PANK4: variants seen among roughly 807,000 people sequenced by gnomAD.
PANK4 encodes pantothenate kinase 4 (inactive).
A neutral mutation model predicts 87.9 loss-of-function variants in PANK4; 40 were observed. That is an observed-to-expected ratio of 0.46 (90% CI 0.35 to 0.59). PANK4 has a LOEUF of 0.59. Ranked by LOEUF, PANK4 falls within the 20% of genes least tolerant of loss-of-function variation. PANK4 has a pLI of 0.00. For missense variants in PANK4, 926 were observed against 1,072.3 expected, an observed-to-expected ratio of 0.86 and a Z score of 1.90; for synonymous variants, 524 against 467.4, an observed-to-expected ratio of 1.12 and a Z score of -1.56.
chr1:2,515,809 G>A lies in PANK4; in HGVS notation c.1219-92C>T, dbSNP rs1346822931. The A allele has an allele frequency of 8.8e-6, 11 of 1,253,054 alleles. No individual in the cohort carries two copies. Among genetic ancestry groups the A allele is most frequent in the African/African-American group, 1.5e-5 (1 of 67,460 alleles). 77.6% of individuals were successfully genotyped at this position (1,253,054 alleles called of 1,614,324 possible). On this transcript the variant is annotated intron_variant, in intron 9 of 18. Coordinates refer to ENST00000378466, the MANE Select transcript of PANK4 (RefSeq NM_018216.4). This position sits in a 1 kb window ranked among gnomAD's most constrained non-coding sequence, Gnocchi z 5.0. Reference sequence around the variant, plus strand: ...AAGCTTCCACTCTCTCTCTAAGAAGGGAGATGTACTGCCTTCTTCCGCCAC... The same window carrying A: ...AAGCTTCCACTCTCTCTCTAAGAAGAGAGATGTACTGCCTTCTTCCGCCAC...
Position 2,509,016 on chromosome 1 carries a change from G to A in PANK4, c.2153C>T (p.Ala718Val), listed in dbSNP as rs778352582. 2.6e-5 allele frequency: 42 copies of A among 1,604,666 alleles called. No homozygotes were observed. The highest frequency in any genetic ancestry group is 3.3e-5 in the South Asian group (3 of 90,774). Residue 718 changes from alanine (A) to valine (V), a missense_variant, in exon 19 of 19, where the codon GCG becomes GTG. Coordinates refer to ENST00000378466, the MANE Select transcript of PANK4 (RefSeq NM_018216.4). The surrounding 1 kb of genome is among the most constrained non-coding windows in gnomAD (Gnocchi z 4.9). ...CATGCCCTCGATGACCACCAGATCCGCGCCACGCTCCCGCACCAGTGCGGC... is the reference window on the plus strand; with the variant it reads ...CATGCCCTCGATGACCACCAGATCCACGCCACGCTCCCGCACCAGTGCGGC... ...GLAALVRERG[A>V]DLVVIEGMGR...
At chr1:2,522,462 G>A (rs1361317329) in intron 1 of PANK4, among the ~76,000 whole-genome samples, 3 of 152,182 alleles carry the variant, frequency 2.0e-5, no homozygotes, top group Non-Finnish European at 4.4e-5. Flanking sequence ...GATGCCGCCT[G>A]TGATCAAAGG....
intron 12 of PANK4, 129 bp downstream of exon 12, chr1:2,513,873 G>C (rs1157013056): frequency 1.3e-6 from 1 of 751,754 alleles, no homozygotes; most frequent in Non-Finnish European, 2.5e-6. Flanking sequence ...CTGGAGTTGG[G>C]GCCGCTACCA....
Position 2,519,117 on chromosome 1 carries a change from G to A in PANK4, c.1035+26C>T. On this transcript the variant is annotated intron_variant, in intron 7 of 18. Coordinates refer to ENST00000378466, the MANE Select transcript of PANK4 (RefSeq NM_018216.4). This position sits in a 1 kb window ranked among gnomAD's most constrained non-coding sequence, Gnocchi z 8.3. ...AGATCCTGGGGGGTCTGCGTTAGAG[G>A]CTGGGGAGGGCGGCGCATCCGTTAC... 1 of 1,600,702 alleles carries A rather than the reference G, an allele frequency of 6.2e-7. No individual in the cohort carries two copies.
intron 7 of PANK4, 47 bp from the exon 8 acceptor site, chr1:2,518,644 C>T (rs1421835183): frequency 6.8e-7 from 1 of 1,460,284 alleles, no homozygotes; most frequent in Non-Finnish European, 9.4e-7. Flanking sequence ...CACACAACAC[C>T]CGGTGCCTCC....
chr1:2,521,340 G>A (rs372554444), intron 2 of PANK4, 25 bp from the exon 3 acceptor site: 18 of 1,568,002 alleles, frequency 1.1e-5, no homozygotes, highest in South Asian at 4.4e-5. Flanking sequence ...AGGGGAGGCC[G>A]CATGTGTGTG....
chr1:2,508,846 C>T lies in PANK4; in HGVS notation c.*1G>A. On this transcript the variant is annotated 3_prime_UTR_variant, in exon 19 of 19. Transcript: ENST00000378466. The surrounding 1 kb of genome is among the most constrained non-coding windows in gnomAD (Gnocchi z 5.1). Reference sequence around the variant, plus strand: ...CAGAAGAGTCCGGCAGCTGCAGCGCCTCACTCGGCTGGGACCTCGTACTTG... The same window carrying T: ...CAGAAGAGTCCGGCAGCTGCAGCGCTTCACTCGGCTGGGACCTCGTACTTG... 1 of 1,564,540 alleles carries T rather than the reference C, an allele frequency of 6.4e-7. No individual in the cohort carries two copies. Among genetic ancestry groups the T allele is most frequent in the Non-Finnish European group, 8.8e-7 (1 of 1,142,386 alleles).
In PANK4 at chr1:2,520,741, A is replaced by G. The variant is rs759891465; in HGVS notation, c.588T>C (p.Ser196=). 6.2e-7 allele frequency: 1 copy of G among 1,613,334 alleles called. No homozygotes were observed. Among genetic ancestry groups the G allele is most frequent in the South Asian group, 1.1e-5 (1 of 90,992 alleles). ...IFPYLLVNIG[S]GVSIVKVETE... ...GTCTTACCTTCACGATGGAGACTCC[A>G]GAGCCGATATTGACAAGAAGATAGG... The change falls in exon 4 of 19, where the codon TCT becomes TCC. Residue 196 remains serine (S), a synonymous_variant. Transcript: ENST00000378466. This position sits in a 1 kb window ranked among gnomAD's most constrained non-coding sequence, Gnocchi z 6.2.
At position 2,514,529 on chromosome 1, in the gene PANK4, T is replaced by A. The variant is rs549487528; in HGVS notation, c.1375-63A>T. ...GCCCTGCTGCTTGCGAATCCCCACGTGACAGCAGGGGGCTCGGGGAAGGGT... is the reference window on the plus strand; with the variant it reads ...GCCCTGCTGCTTGCGAATCCCCACGAGACAGCAGGGGGCTCGGGGAAGGGT... On this transcript the variant is annotated intron_variant, in intron 10 of 18. Transcript: ENST00000378466. 2.6e-5 allele frequency: 25 copies of A among 977,174 alleles called. No individual in the cohort carries two copies. In the Admixed American group the frequency reaches 4.1e-4, roughly 16 times the overall value. The allele number at this position is 977,174 out of a possible 1,614,324, so 60.5% of individuals were successfully genotyped here. A position where few individuals can be genotyped will look rare whatever the true frequency, so the allele number is the denominator to read the frequency against.
rs536820334 is a variant in PANK4 at position 2,519,579 on chromosome 1, T to G, written c.853+222A>C. 5.3e-5 allele frequency among the ~76,000 whole-genome samples: 8 copies of G among 152,302 alleles called. No homozygotes were observed. In the South Asian group the frequency reaches 1.7e-3, roughly 32 times the overall value. ...GGAAAAAACCCAATCAGGAAACTAT[T>G]TTTTCTTCCAAAACCAAGACCGTGG... On this transcript the variant is annotated intron_variant, in intron 6 of 18. Coordinates refer to ENST00000378466, the MANE Select transcript of PANK4 (RefSeq NM_018216.4). This position sits in a 1 kb window ranked among gnomAD's most constrained non-coding sequence, Gnocchi z 8.3.
At chr1:2,521,852 C>A (rs750215962) in intron 1 of PANK4, 52 bp from the exon 2 acceptor site, 3 of 1,421,900 alleles carry the variant, frequency 2.1e-6, no homozygotes, top group Middle Eastern at 1.8e-4. Flanking sequence ...CACAGCGGGG[C>A]CTGGGGGTCC....
chr1:2,524,386 C>T (rs1345501170), intron 1 of PANK4, among the ~76,000 whole-genome samples: 1 of 152,180 alleles, frequency 6.6e-6, no homozygotes, highest in African/African-American at 2.4e-5. Context: ...GACACCCCAC[C>T]CTGAGCGTGG....
intron 2 of PANK4, 28 bp downstream of exon 2, chr1:2,521,690 G>A: frequency 6.3e-7 from 1 of 1,578,004 alleles, no homozygotes; most frequent in Non-Finnish European, 8.7e-7. Context: ...CGGCTGCCCT[G>A]CCCCGGGTGG....
chr1:2,511,585 C>T (rs372550013), intron 14 of PANK4, 43 bp downstream of exon 14: 7 of 1,410,284 alleles, frequency 5.0e-6, no homozygotes, highest in Non-Finnish European at 7.0e-6. Flanking sequence ...CCAGGCATGG[C>T]CCCAGCACAA....
rs777587660 is a variant in PANK4 at position 2,512,926 on chromosome 1, C to T, written c.1689G>A (p.Ala563=). The T allele has an allele frequency of 2.8e-5, 45 of 1,612,726 alleles. No individual in the cohort carries two copies. Among genetic ancestry groups the T allele is most frequent in the South Asian group, 5.5e-5 (5 of 91,086 alleles). Residue 563 remains alanine, a synonymous_variant, in exon 13 of 19, where the codon GCG becomes GCA. Coordinates refer to ENST00000378466, the MANE Select transcript of PANK4 (RefSeq NM_018216.4). The part of the protein sequence containing the change: ...RQLALVKGLL[A]GNVFDWGAKA... ...TGGCCCCCCAGTCGAAGACATTCCC[C>T]GCCAGGAGGCCTTTCACCAGCGCCA...
intron 1 of PANK4, among the ~76,000 whole-genome samples, chr1:2,524,381 C>A (rs1274006883): frequency 6.6e-6 from 1 of 152,166 alleles, no homozygotes; most frequent in African/African-American, 2.4e-5. Flanking sequence ...TTGAAGACAC[C>A]CCACCCTGAG....
At chr1:2,524,048 G>A (rs1425380823) in intron 1 of PANK4, among the ~76,000 whole-genome samples, 1 of 152,216 alleles carries the variant, frequency 6.6e-6, no homozygotes, top group African/African-American at 2.4e-5. Flanking sequence ...CACCAATGGA[G>A]GGCAGGACAG....
At position 2,519,602 on chromosome 1, in the gene PANK4, T is replaced by A. The variant is rs1479999254; in HGVS notation, c.853+199A>T. Among the ~76,000 whole-genome samples, 1 of 152,182 alleles carries A rather than the reference T, an allele frequency of 6.6e-6. No individual in the cohort carries two copies. Among genetic ancestry groups the A allele is most frequent in the East Asian group, 1.9e-4 (1 of 5,196 alleles). On this transcript the variant is annotated intron_variant, in intron 6 of 18. Coordinates refer to ENST00000378466, the MANE Select transcript of PANK4 (RefSeq NM_018216.4). This position sits in a 1 kb window ranked among gnomAD's most constrained non-coding sequence, Gnocchi z 8.3. ...ATTTTTTCTTCCAAAACCAAGACCG[T>A]GGCGTTTATCTGCCGACGTTCTGAG...
In PANK4 at chr1:2,514,362, C is replaced by T. The variant is rs1455316098; in HGVS notation, c.1479G>A (p.Gln493=). Residue 493 remains glutamine (Q), a synonymous_variant, in exon 11 of 19, where the codon CAG becomes CAA. Coordinates refer to ENST00000378466, the MANE Select transcript of PANK4 (RefSeq NM_018216.4). ...GGGTGCTGGGCACTTACAAGGGCTG[C>T]TGCCTCAGGGTCTGAAGCTTGTTCC... The part of the protein sequence containing the change: ...KYWNKLQTLR[Q]QPFAYGTLTV... The T allele has an allele frequency of 4.3e-6, 7 of 1,610,498 alleles. No homozygotes were observed. Among genetic ancestry groups the T allele is most frequent in the Non-Finnish European group, 5.9e-6 (7 of 1,177,936 alleles).
Sources: gnomAD v4.1 joint callset for allele counts (sites outside exome capture counted in the v4.1 genomes callset) on GRCh38, gnomAD v4.1.1 for gene constraint, Gnocchi (gnomAD v3.1) non-coding constraint, MANE v1.5 for transcripts, NCBI Gene and HGNC (gene_info 2026-07-23, HGNC 2026-07-21) for gene names.